The following SIPA1L3 variants were observed in gnomAD, a reference collection of about 807,000 sequenced individuals.
The protein encoded by SIPA1L3 is signal induced proliferation associated 1 like 3.
A neutral mutation model predicts 150.1 loss-of-function variants in SIPA1L3; 59 were observed. That is an observed-to-expected ratio of 0.39 (90% CI 0.32 to 0.49). The LOEUF (loss-of-function observed/expected upper bound fraction) is 0.49. Ranked by LOEUF, SIPA1L3 falls within the 20% of genes least tolerant of loss-of-function variation. SIPA1L3 has a pLI of 0.86. For synonymous variants in SIPA1L3, 1,070 were observed against 1,077.6 expected (o/e 0.99, Z 0.14); for missense variants, 2,211 against 2,489.5 (o/e 0.89, Z 2.38).
At chr19:38,138,317 TG>T (rs1338739783) in intron 10 of SIPA1L3, among the ~76,000 whole-genome samples, 1 of 152,138 alleles carries the variant, frequency 6.6e-6, no homozygotes, top group Non-Finnish European at 1.5e-5. Context: ...TCACCTTGGA[TG>T]GGTTATTTAA....
intron 12 of SIPA1L3, among the ~76,000 whole-genome samples, chr19:38,142,940 T>C (rs961393650): frequency 6.6e-6 from 1 of 152,200 alleles, no homozygotes; most frequent in Non-Finnish European, 1.5e-5. Flanking sequence ...AGAATTTTGA[T>C]TGCTGTTCTC....
intron 12 of SIPA1L3, among the ~76,000 whole-genome samples, chr19:38,144,175 A>G (rs544566592): frequency 2.0e-5 from 3 of 152,238 alleles, no homozygotes; most frequent in Admixed American, 6.5e-5. Context: ...ATTCCTGTGT[A>G]TTTCCTGACT....
At chr19:37,929,806 T>C (rs2046536988) in intron 1 of SIPA1L3, among the ~76,000 whole-genome samples, 1 of 152,182 alleles carries the variant, frequency 6.6e-6, no homozygotes, top group African/African-American at 2.4e-5. Flanking sequence ...CCTCTGCTAT[T>C]AACATATTAA....
At chr19:37,911,305 C>T (rs913328125) in intron 1 of SIPA1L3, among the ~76,000 whole-genome samples, 1 of 151,654 alleles carries the variant, frequency 6.6e-6, no homozygotes, top group African/African-American at 2.4e-5. Context: ...ATACCATTCC[C>T]CAAAAAAGGA....
chr19:37,952,082 G>T (rs1255835907), intron 1 of SIPA1L3, among the ~76,000 whole-genome samples: 1 of 152,008 alleles, frequency 6.6e-6, no homozygotes, highest in Non-Finnish European at 1.5e-5. Context: ...TCTTTCTCTG[G>T]AGCTCCCAGG....
chr19:38,110,892 G>C (rs1269281225), intron 8 of SIPA1L3, among the ~76,000 whole-genome samples: 1 of 152,124 alleles, frequency 6.6e-6, no homozygotes, highest in Non-Finnish European at 1.5e-5. Flanking sequence ...CACCAGCCAG[G>C]CCTGGGCACT....
At chr19:38,035,614 G>A (rs986189595) in intron 2 of SIPA1L3, among the ~76,000 whole-genome samples, 4 of 152,190 alleles carry the variant, frequency 2.6e-5, no homozygotes, top group African/African-American at 9.7e-5. Context: ...TTAACTGTGG[G>A]TGCTTCCATT....
intron 15 of SIPA1L3, among the ~76,000 whole-genome samples, chr19:38,166,853 A>G (rs1972222648): frequency 6.6e-6 from 1 of 151,962 alleles, no homozygotes; most frequent in African/African-American, 2.4e-5. Flanking sequence ...TCCACACAGG[A>G]CACCCACACT....
intron 1 of SIPA1L3, among the ~76,000 whole-genome samples, chr19:37,979,820 T>G (rs1967158930): frequency 6.6e-6 from 1 of 152,242 alleles, no homozygotes; most frequent in Non-Finnish European, 1.5e-5. Flanking sequence ...GCACTTTTCT[T>G]GCGTGCTAAC....
Position 38,164,955 on chromosome 19 carries a change from G to A in SIPA1L3, c.4208+49G>A, listed in dbSNP as rs753988484. ...GTTCTAACCACCTTCCACTTCGCCA[G>A]TTCTACTTTTACGGTCCTGATGGTG... On this transcript the variant is annotated intron_variant, in intron 15 of 21. Coordinates refer to ENST00000222345, the MANE Select transcript of SIPA1L3 (RefSeq NM_015073.3). The surrounding 1 kb of genome is among the most constrained non-coding windows in gnomAD (Gnocchi z 4.1). The A allele has an allele frequency of 6.1e-6, 9 of 1,473,568 alleles. No individual in the cohort carries two copies. Among genetic ancestry groups the A allele is most frequent in the Non-Finnish European group, 8.1e-6 (9 of 1,111,550 alleles). The allele number at this position is 1,473,568 out of a possible 1,614,324, so 91.3% of individuals were successfully genotyped here. A position where few individuals can be genotyped will look rare whatever the true frequency, so the allele number is the denominator to read the frequency against.
At chr19:38,011,303 CCT>C (rs923795158) in intron 1 of SIPA1L3, among the ~76,000 whole-genome samples, 3 of 151,968 alleles carry the variant, frequency 2.0e-5, no homozygotes, top group African/African-American at 7.3e-5. Context: ...GGTGAAACCC[CCT>C]CTCTACAAAA....
At chr19:38,172,966 G>T (rs113587654) in intron 15 of SIPA1L3, among the ~76,000 whole-genome samples, 16 of 152,200 alleles carry the variant, frequency 1.1e-4, no homozygotes, top group African/African-American at 3.6e-4. Flanking sequence ...GCTGGGTGTG[G>T]TGGCACACGC....
At chr19:37,978,788 A>G (rs1377731824) in intron 1 of SIPA1L3, among the ~76,000 whole-genome samples, 3 of 151,994 alleles carry the variant, frequency 2.0e-5, no homozygotes, top group Non-Finnish European at 4.4e-5. Context: ...TAGCCTGGAC[A>G]ACATAGTGAG....
At chr19:38,085,022 C>A (rs949608592) in intron 3 of SIPA1L3, among the ~76,000 whole-genome samples, 1 of 152,150 alleles carries the variant, frequency 6.6e-6, no homozygotes, top group African/African-American at 2.4e-5. Flanking sequence ...CCACAGGACA[C>A]TGGAGCTCCA....
rs922891532 is a variant in SIPA1L3 at position 38,192,135 on chromosome 19, G to A, written c.4431-10G>A. On this transcript the variant is annotated splice_polypyrimidine_tract_variant and intron_variant, in intron 16 of 21. Coordinates refer to ENST00000222345, the MANE Select transcript of SIPA1L3 (RefSeq NM_015073.3). ...CTGACACCCCTCTGACCCTGACGCT[G>A]TCATTCCAGGCAGGTGGACACGAAC... The A allele has an allele frequency of 3.1e-6, 5 of 1,594,040 alleles. No individual in the cohort carries two copies. The highest frequency in any genetic ancestry group is 4.3e-6 in the Non-Finnish European group (5 of 1,171,110).
chr19:38,048,219 C>G (rs571069612), intron 2 of SIPA1L3, among the ~76,000 whole-genome samples: 2 of 152,260 alleles, frequency 1.3e-5, no homozygotes, highest in East Asian at 3.9e-4. Context: ...AAGTAACAAC[C>G]CTGGCACCAT....
At chr19:37,943,507 A>G (rs2046681119) in intron 1 of SIPA1L3, among the ~76,000 whole-genome samples, 1 of 152,182 alleles carries the variant, frequency 6.6e-6, no homozygotes, top group South Asian at 2.1e-4. Context: ...ACTAACCTGG[A>G]TTCCAACACA....
intron 2 of SIPA1L3, among the ~76,000 whole-genome samples, chr19:38,058,815 A>G (rs889066718): frequency 1.3e-5 from 2 of 152,118 alleles, no homozygotes; most frequent in African/African-American, 4.8e-5. Context: ...ACTTGAGGTC[A>G]GGAGTTCTAG....
At chr19:37,945,457 C>T (rs1479536859) in intron 1 of SIPA1L3, among the ~76,000 whole-genome samples, 2 of 152,176 alleles carry the variant, frequency 1.3e-5, no homozygotes, top group South Asian at 2.1e-4. Context: ...AGACTGGTCT[C>T]GAATTCCTGA....
Sources: gnomAD v4.1 joint callset for allele counts (sites outside exome capture counted in the v4.1 genomes callset) on GRCh38, gnomAD v4.1.1 for gene constraint, Gnocchi (gnomAD v3.1) non-coding constraint, MANE v1.5 for transcripts, NCBI Gene and HGNC (gene_info 2026-07-23, HGNC 2026-07-21) for gene names.